The following KDM4C variants were observed in gnomAD, a reference collection of about 807,000 sequenced individuals.
KDM4C encodes lysine demethylase 4C.
A neutral mutation model predicts 129.3 loss-of-function variants in KDM4C; 81 were observed. That is an observed-to-expected ratio of 0.63 (90% CI 0.52 to 0.75). KDM4C has a LOEUF of 0.75. Ranked by LOEUF, KDM4C falls within the 30% of genes least tolerant of loss-of-function variation. KDM4C has a pLI of 0.00. For synonymous variants in KDM4C, 573 were observed against 456.1 expected (o/e 1.26, Z -3.26); for missense variants, 1,457 against 1,304.0 (o/e 1.12, Z -1.81).
chr9:7,010,767 G>T (rs1822529170), intron 12 of KDM4C, among the ~76,000 whole-genome samples: 1 of 152,176 alleles, frequency 6.6e-6, no homozygotes, highest in Non-Finnish European at 1.5e-5. Context: ...TTTTAGACCA[G>T]GCTCAGTGGT....
At chr9:7,000,518 C>G (rs1820537372) in intron 12 of KDM4C, among the ~76,000 whole-genome samples, 1 of 152,216 alleles carries the variant, frequency 6.6e-6, no homozygotes, top group South Asian at 2.1e-4. Flanking sequence ...TAAATAAATT[C>G]AACCATAACC....
intron 8 of KDM4C, among the ~76,000 whole-genome samples, chr9:6,961,624 T>C (rs1193312496): frequency 6.6e-6 from 1 of 152,248 alleles, no homozygotes; most frequent in Non-Finnish European, 1.5e-5. Context: ...ATGACTTAAC[T>C]AAATTCAAAA....
intron 15 of KDM4C, among the ~76,000 whole-genome samples, chr9:7,043,284 T>A (rs1265216398): frequency 6.6e-6 from 1 of 152,022 alleles, no homozygotes; most frequent in Non-Finnish European, 1.5e-5. Flanking sequence ...ACTCTAGCAC[T>A]TTCCTACCTT....
intron 4 of KDM4C, among the ~76,000 whole-genome samples, chr9:6,826,534 C>A (rs1833904388): frequency 6.6e-6 from 1 of 151,984 alleles, no homozygotes; most frequent in Non-Finnish European, 1.5e-5. Flanking sequence ...GAATGCTTTC[C>A]CATGATGATA....
chr9:7,166,860 A>G (rs1383579212), intron 20 of KDM4C, among the ~76,000 whole-genome samples: 1 of 152,144 alleles, frequency 6.6e-6, no homozygotes, highest in African/African-American at 2.4e-5. Flanking sequence ...ACTCAATGAA[A>G]AAGTTAAGAC....
At chr9:6,827,227 T>G (rs1034593792) in intron 4 of KDM4C, among the ~76,000 whole-genome samples, 2 of 152,268 alleles carry the variant, frequency 1.3e-5, no homozygotes, top group Non-Finnish European at 2.9e-5. Context: ...AGGAAAGCTC[T>G]GTGTTTTTCT....
intron 1 of KDM4C, among the ~76,000 whole-genome samples, chr9:6,746,450 G>C (rs889048932): frequency 1.3e-5 from 2 of 148,608 alleles, no homozygotes; most frequent in Non-Finnish European, 3.0e-5. Context: ...TGTATTTTTA[G>C]TAGAGACAGG....
At chr9:7,031,729 A>G (rs766481192) in intron 15 of KDM4C, among the ~76,000 whole-genome samples, 33 of 152,132 alleles carry the variant, frequency 2.2e-4, no homozygotes, top group Non-Finnish European at 3.8e-4. Flanking sequence ...GTTATAAGTA[A>G]GTGGCATCTG....
intron 14 of KDM4C, among the ~76,000 whole-genome samples, chr9:7,015,567 C>A (rs947759240): frequency 6.6e-6 from 1 of 152,040 alleles, no homozygotes; most frequent in Admixed American, 6.6e-5. Flanking sequence ...AACTTTGCCC[C>A]ATGGATTGCA....
chr9:6,880,130 T>C (rs1455091124), intron 6 of KDM4C, 69 bp downstream of exon 6: 22 of 995,806 alleles, frequency 2.2e-5, no homozygotes, highest in Non-Finnish European at 3.4e-5. Flanking sequence ...TTCTTTGTTT[T>C]TGAGGTACTT....
In KDM4C at chr9:7,089,924, C is replaced by A. The variant is rs541502016; in HGVS notation, c.2425-13761C>A. Among the ~76,000 whole-genome samples the A allele has an allele frequency of 1.2e-4, 19 of 152,344 alleles. No homozygotes were observed. The South Asian group carries it at 3.7e-3, about 30-fold the overall frequency. On this transcript the variant is annotated intron_variant, in intron 17 of 21. Transcript: ENST00000381309. ...GAATGGCCGTCAGCTGGGTTCCATT[C>A]CTAAGCTTGAACTGTGGCTTAAAGC...
chr9:6,809,731 G>A (rs1250852630), intron 3 of KDM4C, among the ~76,000 whole-genome samples: 1 of 152,146 alleles, frequency 6.6e-6, no homozygotes, highest in African/African-American at 2.4e-5. Flanking sequence ...GGTTGTGGTG[G>A]CTCACACTTG....
chr9:6,836,798 T>C (rs1309828361), intron 4 of KDM4C, among the ~76,000 whole-genome samples: 1 of 152,256 alleles, frequency 6.6e-6, no homozygotes, highest in East Asian at 1.9e-4. Context: ...TTTTCTTTGC[T>C]GTATAATATT....
chr9:6,942,136 G>C (rs1468588593), intron 8 of KDM4C, among the ~76,000 whole-genome samples: 1 of 152,054 alleles, frequency 6.6e-6, no homozygotes, highest in African/African-American at 2.4e-5. Flanking sequence ...ATTGTGTTTG[G>C]GTGAAGTAGC....
At chr9:6,757,797 T>C, upstream of KDM4C, 4 of 985,612 alleles carry the variant, frequency 4.1e-6, no homozygotes, top group Non-Finnish European at 4.8e-6. Context: ...GAATGGGATA[T>C]GCCTGTGTCC....
intron 18 of KDM4C, 165 bp from the exon 19 acceptor site, chr9:7,127,901 C>A: frequency 1.7e-6 from 1 of 581,722 alleles, no homozygotes. Flanking sequence ...CTTCTTGCAA[C>A]TTTTCTGTAA....
intron 5 of KDM4C, among the ~76,000 whole-genome samples, chr9:6,864,257 A>G (rs1841517893): frequency 6.6e-6 from 1 of 151,130 alleles, no homozygotes; most frequent in Non-Finnish European, 1.5e-5. Context: ...TGTTTGAAGG[A>G]CAGCTTTGCT....
rs554939110 is a variant in KDM4C, at chr9:6,762,542, C to T, written c.-18+4339C>T. ...ATTAAAGTCACAGTATCTTTTTTAT[C>T]GCTACAAATGTAGACCATTTTGTGG... On this transcript the variant is annotated intron_variant, in intron 1 of 21. Coordinates refer to ENST00000381309, the MANE Select transcript of KDM4C (RefSeq NM_015061.6). 1.4e-3 allele frequency among the ~76,000 whole-genome samples: 212 copies of T among 151,312 alleles called. 3 individuals carry two copies. The South Asian group carries it at 0.044, about 31-fold the overall frequency.
chr9:7,149,417 G>A lies in KDM4C; in HGVS notation c.2782-15821G>A, dbSNP rs1331817591. 4.6e-5 allele frequency among the ~76,000 whole-genome samples: 7 copies of A among 152,236 alleles called. No homozygotes were observed. In the South Asian group the frequency reaches 1.2e-3, roughly 27 times the overall value. ...GGACCCTGAGAGCACAGGGATGCCC[G>A]GGTCCAGAGCCACGGCTGGGCAGCT... On this transcript the variant is annotated intron_variant, in intron 19 of 21. Coordinates refer to ENST00000381309, the MANE Select transcript of KDM4C (RefSeq NM_015061.6).
Sources: allele counts gnomAD v4.1 joint callset (sites outside exome capture counted in the v4.1 genomes callset), GRCh38; gene constraint gnomAD v4.1.1; transcripts MANE v1.5; gene names NCBI Gene and HGNC (gene_info 2026-07-23, HGNC 2026-07-21).